Variants in RAB8B observed in about 807,000 individuals in gnomAD.
RAB8B encodes the protein RAB8B, member RAS oncogene family, also known as ras-related protein Rab-8B.
Under a neutral mutation model 32.0 loss-of-function variants are expected in RAB8B, and 11 were observed. The ratio of observed to expected loss-of-function variants is 0.34; its 90% CI spans 0.22 to 0.57. The LOEUF is 0.57. RAB8B is among the 20% of genes least tolerant of loss of function. The probability of loss-of-function intolerance (pLI) is 0.86; values close to 1 mark genes in which losing one functional copy is unlikely to be tolerated. For missense variants in RAB8B, 190 were observed against 258.5 expected (o/e 0.73, Z 1.82); for synonymous variants, 103 against 89.6 (o/e 1.15, Z -0.85).
Position 63,266,452 on chromosome 15 carries a change from C to G in RAB8B, c.*2833C>G, listed in dbSNP as rs1366602129. On this transcript the variant is annotated 3_prime_UTR_variant, in exon 8 of 8. Coordinates refer to ENST00000321437, the MANE Select transcript of RAB8B (RefSeq NM_016530.3). The stretch of plus-strand genomic sequence containing the variant: ...GTGCTGCAGGGTTTCTTACTATTTA[C>G]AGAAACATTTTGTGCAGTCTTTGTT... The G allele has an allele frequency of 6.6e-6, 1 of 152,574 alleles. No individual in the cohort carries two copies. The highest frequency in any genetic ancestry group is 1.5e-5 in the Non-Finnish European group (1 of 67,974). The allele number at this position is 152,574 out of a possible 1,614,324, so 9.5% of individuals were successfully genotyped here.
chr15:63,266,879 A>G lies in RAB8B; in HGVS notation c.*3260A>G, dbSNP rs1227556178. On this transcript the variant is annotated 3_prime_UTR_variant, in exon 8 of 8. Coordinates refer to ENST00000321437, the MANE Select transcript of RAB8B (RefSeq NM_016530.3). ...CAGTAAGTGACACATTTAAGCAGAC[A>G]TTCTTTTCAAGTTCATGACTTAGAT... The G allele has an allele frequency of 6.6e-6, 1 of 152,644 alleles. No homozygotes were observed. Among genetic ancestry groups the G allele is most frequent in the Non-Finnish European group, 1.5e-5 (1 of 68,014 alleles). 9.5% of individuals were successfully genotyped at this position (152,644 alleles called of 1,614,324 possible).
chr15:63,199,088 G>C (rs1460106746), intron 1 of RAB8B, among the ~76,000 whole-genome samples: 1 of 152,178 alleles, frequency 6.6e-6, no homozygotes, highest in African/African-American at 2.4e-5. Context: ...AGAGTCAACT[G>C]TTCCCCTTTT....
At chr15:63,196,401 G>T (rs562371149) in intron 1 of RAB8B, among the ~76,000 whole-genome samples, 29 of 152,354 alleles carry the variant, frequency 1.9e-4, no homozygotes, top group Non-Finnish European at 3.1e-4. Flanking sequence ...TATGGAGATA[G>T]CATGTTGAAT....
intron 6 of RAB8B, among the ~76,000 whole-genome samples, chr15:63,262,159 C>G (rs1016092278): frequency 6.6e-6 from 1 of 152,090 alleles, no homozygotes; most frequent in African/African-American, 2.4e-5. Context: ...ACTCATTAAA[C>G]CAGATAGTCA....
intron 3 of RAB8B, among the ~76,000 whole-genome samples, chr15:63,253,366 C>A (rs2038132518): frequency 6.6e-6 from 1 of 152,066 alleles, no homozygotes; most frequent in Non-Finnish European, 1.5e-5. Context: ...TTTATGTTTA[C>A]TTACAAAGTT....
At chr15:63,193,295 T>C (rs529290002) in intron 1 of RAB8B, among the ~76,000 whole-genome samples, 1 of 152,272 alleles carries the variant, frequency 6.6e-6, no homozygotes, top group African/African-American at 2.4e-5. Context: ...TCCCTTCATT[T>C]CCTTTTTGCT....
At chr15:63,226,093 G>C (rs1567014483) in intron 1 of RAB8B, among the ~76,000 whole-genome samples, 3 of 152,160 alleles carry the variant, frequency 2.0e-5, no homozygotes, top group Admixed American at 2.0e-4. Flanking sequence ...TCTTGCCTAT[G>C]CCTCCCAAAG....
chr15:63,207,162 G>T (rs564465572), intron 1 of RAB8B, among the ~76,000 whole-genome samples: 1 of 152,210 alleles, frequency 6.6e-6, no homozygotes, highest in South Asian at 2.1e-4. Flanking sequence ...AATAAAATTT[G>T]TAATTACGTC....
intron 1 of RAB8B, among the ~76,000 whole-genome samples, chr15:63,192,355 C>T (rs919613914): frequency 2.0e-5 from 3 of 152,252 alleles, no homozygotes; most frequent in African/African-American, 7.2e-5. Context: ...GTTGACATCT[C>T]TAGCAGCCAC....
chr15:63,231,926 G>A (rs113251691), intron 1 of RAB8B, among the ~76,000 whole-genome samples: 3 of 152,330 alleles, frequency 2.0e-5, no homozygotes, highest in African/African-American at 7.2e-5. Flanking sequence ...TCTAGATTGA[G>A]TAACACTTGA....
At chr15:63,215,449 T>C (rs1027829573) in intron 1 of RAB8B, among the ~76,000 whole-genome samples, 3 of 152,224 alleles carry the variant, frequency 2.0e-5, no homozygotes, top group Admixed American at 2.0e-4. Context: ...TATAAAAATT[T>C]AACCAGTTAA....
Position 63,230,544 on chromosome 15 carries a change from C to T in RAB8B, c.125-14212C>T, listed in dbSNP as rs78967489. On this transcript the variant is annotated intron_variant, in intron 1 of 7. Transcript: ENST00000321437. The stretch of plus-strand genomic sequence containing the variant: ...TTCGAACTCCTGACCTCAGGTGATC[C>T]GCCCGCCTGGACTTCCCAAAATGCT... Among the ~76,000 whole-genome samples the T allele has an allele frequency of 3.7e-4, 56 of 152,272 alleles. 1 individual carries two copies. The East Asian group carries it at 9.1e-3, about 25-fold the overall frequency.
Position 63,252,817 on chromosome 15 carries a change from C to T in RAB8B, c.247-2690C>T, listed in dbSNP as rs539490232. On this transcript the variant is annotated intron_variant, in intron 3 of 7. Coordinates refer to ENST00000321437, the MANE Select transcript of RAB8B (RefSeq NM_016530.3). ...AGGCTGGAGTGCAATGGCACGATCT[C>T]GGCTCACTGCAACCTCCACCTCCTG... 2.8e-3 allele frequency among the ~76,000 whole-genome samples: 413 copies of T among 150,040 alleles called. 1 individual carries two copies. The highest frequency in any genetic ancestry group is 0.024 in the Middle Eastern group (7 of 294).
rs563304845 is a variant in RAB8B, at chr15:63,266,068, A to T, written c.*2449A>T. ...CTTAATAATGTACATACAGTGCATT[A>T]TTTTTTCTATTTGTAGATGAATTTA... On this transcript the variant is annotated 3_prime_UTR_variant, in exon 8 of 8. Coordinates refer to ENST00000321437, the MANE Select transcript of RAB8B (RefSeq NM_016530.3). The T allele has an allele frequency of 2.8e-4, 43 of 152,622 alleles. No homozygotes were observed. The highest frequency in any genetic ancestry group is 9.9e-4 in the African/African-American group (41 of 41,540). 9.5% of individuals were successfully genotyped at this position (152,622 alleles called of 1,614,324 possible).
intron 2 of RAB8B, 98 bp from the exon 3 acceptor site, chr15:63,249,547 C>T: frequency 8.7e-7 from 1 of 1,150,396 alleles, no homozygotes. Context: ...GACCACTGCA[C>T]CCTGAGCAGA....
intron 1 of RAB8B, among the ~76,000 whole-genome samples, chr15:63,240,903 T>C (rs1296306105): frequency 6.6e-6 from 1 of 152,016 alleles, no homozygotes; most frequent in African/African-American, 2.4e-5. Flanking sequence ...ATTGGCATTA[T>C]TGAGTGAAGG....
chr15:63,202,736 G>A (rs2037663480), intron 1 of RAB8B, among the ~76,000 whole-genome samples: 2 of 152,166 alleles, frequency 1.3e-5, no homozygotes, highest in South Asian at 4.1e-4. Context: ...CCTTTTATTT[G>A]AAGGTGAAAT....
chr15:63,213,865 G>T (rs1290853133), intron 1 of RAB8B, among the ~76,000 whole-genome samples: 1 of 152,074 alleles, frequency 6.6e-6, no homozygotes, highest in African/African-American at 2.4e-5. Context: ...GGCAGATCAC[G>T]AGGTCAGGAG....
At chr15:63,243,561 G>A (rs1016495521) in intron 1 of RAB8B, among the ~76,000 whole-genome samples, 9 of 152,132 alleles carry the variant, frequency 5.9e-5, no homozygotes, top group African/African-American at 1.2e-4. Flanking sequence ...TGAAGTGCCC[G>A]AGGCCTTCAA....
Sources: gnomAD v4.1 joint callset for allele counts (sites outside exome capture counted in the v4.1 genomes callset) on GRCh38, gnomAD v4.1.1 for gene constraint, MANE v1.5 for transcripts, NCBI Gene and HGNC (gene_info 2026-07-23, HGNC 2026-07-21) for gene names.